Variants in PARP12 observed in about 807,000 individuals in gnomAD.
PARP12 encodes the protein protein mono-ADP-ribosyltransferase PARP12.
A neutral mutation model predicts 72.4 loss-of-function variants in PARP12; 59 were observed. That is an observed-to-expected ratio of 0.81 (90% confidence interval 0.66 to 1.01). The LOEUF (loss-of-function observed/expected upper bound fraction) is 1.01. Among genes scored for constraint, PARP12 ranks in the 50% least tolerant of loss-of-function variants. The pLI is 0.00. For missense variants in PARP12, 851 were observed against 914.0 expected, an observed-to-expected ratio of 0.93 and a Z score of 0.89; for synonymous variants, 403 against 371.4, an observed-to-expected ratio of 1.09 and a Z score of -0.98.
intron 8 of PARP12, among the ~76,000 whole-genome samples, chr7:140,029,710 C>G (rs949959434): frequency 6.6e-6 from 1 of 152,054 alleles, no homozygotes; most frequent in Admixed American, 6.5e-5. Flanking sequence ...CCTGGAAGAT[C>G]TAAAAAAGAA....
chr7:140,062,685 C>T lies in PARP12; in HGVS notation c.163G>A (p.Ala55Thr), dbSNP rs764454335. ...QRGRFVVAVR[A>T]GGAAAAPERV... ...TCCGGGGCCGCGGCTGCGCCGCCCG[C>T]CCGCACCGCCACCACGAAGCGCCCA... Residue 55 changes from alanine to threonine, a missense_variant, in exon 1 of 12, where the codon GCG (alanine) becomes ACG (threonine). Transcript: ENST00000263549. 2.0e-3 allele frequency: 2,638 copies of T among 1,288,424 alleles called. 6 individuals carry two copies. Among genetic ancestry groups the T allele is most frequent in the Non-Finnish European group, 2.4e-3 (2,397 of 1,016,914 alleles). The allele number at this position is 1,288,424 out of a possible 1,614,324, so 79.8% of individuals were successfully genotyped here.
At chr7:140,050,098 T>C (rs1376726789) in intron 4 of PARP12, among the ~76,000 whole-genome samples, 2 of 151,974 alleles carry the variant, frequency 1.3e-5, no homozygotes, top group Non-Finnish European at 2.9e-5. Flanking sequence ...CCAGAATTAT[T>C]CAAGAATTGC....
At chr7:140,031,626 T>C (rs1815941626) in intron 8 of PARP12, among the ~76,000 whole-genome samples, 1 of 152,130 alleles carries the variant, frequency 6.6e-6, no homozygotes, top group Non-Finnish European at 1.5e-5. Flanking sequence ...GTGTGAACAG[T>C]GTGTGACACT....
rs1053513319 is a variant in PARP12, at chr7:140,051,603, C to T, written c.862+3059G>A. 1.8e-4 allele frequency among the ~76,000 whole-genome samples: 27 copies of T among 152,086 alleles called. 1 individual carries two copies. The East Asian group carries it at 3.7e-3, about 21-fold the overall frequency. ...ACAGGGTTTCACCATGTTGGCCAGG[C>T]GGGTCTCAAACTCCTGACCTCAAGT... On this transcript the variant is annotated intron_variant, in intron 4 of 11. Transcript: ENST00000263549.
In PARP12 at chr7:140,024,383, CCAAAAGTGACT is replaced by C. The variant is rs1336643789; in HGVS notation, c.*166_*176del. The stretch of plus-strand genomic sequence containing the variant: ...ACTTCTGGTTAATCCACTAGTGAAC[CCAAAAGTGACT>C]TAAAAGTAAAAATCATTATTAGCAA... On this transcript the variant is annotated 3_prime_UTR_variant, in exon 12 of 12. Transcript: ENST00000263549. 2 of 786,376 alleles carry C rather than the reference CCAAAAGTGACT, an allele frequency of 2.5e-6. No homozygotes were observed. Among genetic ancestry groups the C allele is most frequent in the African/African-American group, 1.7e-5 (1 of 57,826 alleles). The allele number at this position is 786,376 out of a possible 1,614,324, so 48.7% of individuals were successfully genotyped here. A position where few individuals can be genotyped will look rare whatever the true frequency, so the allele number is the denominator to read the frequency against.
chr7:140,027,460 C>G, intron 9 of PARP12, 54 bp from the exon 10 acceptor site: 1 of 1,595,318 alleles, frequency 6.3e-7, no homozygotes, highest in Admixed American at 1.7e-5. Flanking sequence ...GAATATAAAT[C>G]AGTCCCTTCC....
chr7:140,038,797 T>C (rs1344420776), intron 6 of PARP12, among the ~76,000 whole-genome samples: 1 of 152,148 alleles, frequency 6.6e-6, no homozygotes, highest in African/African-American at 2.4e-5. Context: ...TAGGTGTTAC[T>C]AACAGAACAA....
chr7:140,029,495 C>G (rs935176139), intron 8 of PARP12, among the ~76,000 whole-genome samples: 2 of 152,144 alleles, frequency 1.3e-5, no homozygotes, highest in Admixed American at 1.3e-4. Context: ...AGAACTCCCA[C>G]AAATAACTTT....
chr7:140,030,710 G>A lies in PARP12; in HGVS notation c.1422-2022C>T, dbSNP rs375876137. On this transcript the variant is annotated intron_variant, in intron 8 of 11. Transcript: ENST00000263549. The stretch of plus-strand genomic sequence containing the variant: ...GGCAGCCTTGTCCAACCTGCAGCCC[G>A]CAGGCTGCATGTAACCCAGGACAGC... 3.1e-4 allele frequency among the ~76,000 whole-genome samples: 47 copies of A among 152,352 alleles called. 1 individual carries two copies. The South Asian group carries it at 9.1e-3, about 30-fold the overall frequency.
At chr7:140,052,414 TACTC>T (rs1335599066) in intron 4 of PARP12, among the ~76,000 whole-genome samples, 1 of 152,204 alleles carries the variant, frequency 6.6e-6, no homozygotes, top group East Asian at 1.9e-4. Context: ...TAAAATGACT[TACTC>T]ATTTATAAAC....
At chr7:140,044,975 C>G (rs1217360090) in intron 5 of PARP12, among the ~76,000 whole-genome samples, 2 of 151,700 alleles carry the variant, frequency 1.3e-5, no homozygotes, top group Non-Finnish European at 2.9e-5. Flanking sequence ...ATACGAATTT[C>G]TAACCTCTAG....
At position 140,024,694 on chromosome 7, in the gene PARP12, G is replaced by T; in HGVS notation, c.1972C>A (p.Pro658Thr). 3 of 1,614,152 alleles carry T rather than the reference G, an allele frequency of 1.9e-6. No homozygotes were observed. The highest frequency in any genetic ancestry group is 1.3e-5 in the African/African-American group (1 of 75,052). The change falls in exon 12 of 12, where the codon CCC becomes ACC. Residue 658 changes from proline (P) to threonine (T), a missense_variant. By Grantham distance (38) the Pro-to-Thr change is conservative (BLOSUM62 -1). Around this residue, in one of 3 missense-constraint regions of PARP12, gnomAD observed 347 missense variants for 396.1 expected, o/e 0.88. Transcript: ENST00000263549. ...YDSCVNSVSD[P>T]SIFVIFEKHQ... ...TTCTCAAAGATCACAAAGATGGAGG[G>T]GTCGGACACACTGTTCACGCAGCTA...
At chr7:140,042,908 T>C (rs1816548231) in intron 5 of PARP12, among the ~76,000 whole-genome samples, 1 of 152,118 alleles carries the variant, frequency 6.6e-6, no homozygotes, top group Non-Finnish European at 1.5e-5. Flanking sequence ...CTCAAAAGAA[T>C]TTCTTGGCCG....
chr7:140,041,773 G>T lies in PARP12; in HGVS notation c.1053C>A (p.Tyr351Ter). ...AGAGGCGGCGAGCCTGGGTAGCACC[G>T]TAAGTCATGGCGTTAAAGTTCAGAC... ...SHCLNFNAMT[Y>*]GATQARRLST... Residue 351 changes from tyrosine (Y) to a stop codon, truncating the protein, a stop_gained, in exon 6 of 12, where the codon TAC (tyrosine) becomes TAA (stop). Coordinates refer to ENST00000263549, the MANE Select transcript of PARP12 (RefSeq NM_022750.4). LOFTEE classifies it high-confidence loss of function. 1 of 1,614,072 alleles carries T rather than the reference G, an allele frequency of 6.2e-7. No individual in the cohort carries two copies. Among genetic ancestry groups the T allele is most frequent in the Non-Finnish European group, 8.5e-7 (1 of 1,179,958 alleles).
At chr7:140,057,696 G>A in intron 2 of PARP12, 1 of 637,284 alleles carries the variant, frequency 1.6e-6, no homozygotes. Context: ...TGGCATCTGT[G>A]TGATGTTTGT....
chr7:140,057,382 G>A, intron 2 of PARP12: 2 of 562,892 alleles, frequency 3.6e-6, no homozygotes, highest in Non-Finnish European at 3.1e-6. Context: ...CCCCTCCACT[G>A]GGAAAATCCA....
chr7:140,033,513 C>T, intron 8 of PARP12: 4 of 985,440 alleles, frequency 4.1e-6, no homozygotes, highest in Non-Finnish European at 3.6e-6. Flanking sequence ...TCCCTCTCCA[C>T]CATGCAGGCC....
chr7:140,040,075 C>T (rs1168597246), intron 6 of PARP12, among the ~76,000 whole-genome samples: 2 of 152,276 alleles, frequency 1.3e-5, no homozygotes, highest in South Asian at 2.1e-4. Flanking sequence ...CAGCAACCAG[C>T]GGTCTCCTCC....
At chr7:140,059,131 G>A (rs1376433271) in intron 1 of PARP12, among the ~76,000 whole-genome samples, 1 of 151,684 alleles carries the variant, frequency 6.6e-6, no homozygotes, top group Non-Finnish European at 1.5e-5. Flanking sequence ...AGAAAAACCA[G>A]CATGTCTACA....
Sources: gnomAD v4.1 joint callset for allele counts (sites outside exome capture counted in the v4.1 genomes callset) on GRCh38, gnomAD v4.1.1 for gene constraint, gnomAD v4.1.1 regional missense constraint, MANE v1.5 for transcripts, NCBI Gene and HGNC (gene_info 2026-07-23, HGNC 2026-07-21) for gene names.